GALNT14: variants seen among roughly 807,000 people sequenced by gnomAD.
GALNT14 encodes UDP-GalNAc:polypeptide N-acetylgalactosaminyltransferase 14.
A neutral mutation model predicts 77.5 loss-of-function variants in GALNT14; 60 were observed. That is an observed-to-expected ratio of 0.77 (90% confidence interval 0.63 to 0.96). The LOEUF is 0.96. Among genes scored for constraint, GALNT14 ranks in the 40% least tolerant of loss-of-function variants. GALNT14 has a pLI of 0.00. For missense variants in GALNT14, 710 were observed against 731.0 expected (o/e 0.97, Z 0.33); for synonymous variants, 280 against 281.7 (o/e 0.99, Z 0.06).
chr2:30,961,504 T>G (rs560086744), intron 3 of GALNT14, among the ~76,000 whole-genome samples: 1 of 152,286 alleles, frequency 6.6e-6, no homozygotes, highest in Admixed American at 6.5e-5. Flanking sequence ...TCACCATGCC[T>G]GGCACACAGC....
At chr2:30,897,684 C>T in the GALNT14 span, among the ~76,000 whole-genome samples, 1 of 152,196 alleles carries the variant, frequency 6.6e-6, no homozygotes, top group East Asian at 1.9e-4. Flanking sequence ...CGTAGCTTCT[C>T]CACAGGGCTC....
chr2:31,027,867 A>G (rs1160550342), intron 1 of GALNT14, among the ~76,000 whole-genome samples: 4 of 121,848 alleles, frequency 3.3e-5, no homozygotes, highest in Non-Finnish European at 7.2e-5. Context: ...ATGATACTCT[A>G]AGAGGGCCCA....
Position 31,124,191 on chromosome 2 carries a change from C to T in GALNT14, c.129+13767G>A, listed in dbSNP as rs1051530435. On this transcript the variant is annotated intron_variant, in intron 1 of 14. Coordinates refer to ENST00000349752, the MANE Select transcript of GALNT14 (RefSeq NM_024572.4). ...CTTGACAGGCACTCAAAGGGGGAAA[C>T]CTCCAAGGAGTTCACCCATCTTTCC... 2.6e-5 allele frequency among the ~76,000 whole-genome samples: 4 copies of T among 152,194 alleles called. No homozygotes were observed. The South Asian group carries it at 8.3e-4, about 32-fold the overall frequency.
chr2:31,012,515 T>A (rs1270848139), intron 1 of GALNT14, among the ~76,000 whole-genome samples: 1 of 152,080 alleles, frequency 6.6e-6, no homozygotes, highest in East Asian at 1.9e-4. Flanking sequence ...CCTTCCCACC[T>A]CACTCCACCA....
At chr2:31,093,196 G>A (rs544315633) in intron 1 of GALNT14, among the ~76,000 whole-genome samples, 7 of 152,300 alleles carry the variant, frequency 4.6e-5, no homozygotes, top group Middle Eastern at 3.4e-3. Flanking sequence ...TAGGAAAGAA[G>A]CATAAAGCAG....
At chr2:30,917,050 C>T (rs910778691) in intron 13 of GALNT14, among the ~76,000 whole-genome samples, 1 of 124,608 alleles carries the variant, frequency 8.0e-6, no homozygotes, top group Non-Finnish European at 1.6e-5. Flanking sequence ...GCACTCCAGC[C>T]TGGGCAAAAG....
At chr2:31,075,354 AG>A (rs1394277195) in intron 1 of GALNT14, among the ~76,000 whole-genome samples, 1 of 152,222 alleles carries the variant, frequency 6.6e-6, no homozygotes, top group East Asian at 1.9e-4. Context: ...GAAAAGCAAA[AG>A]CAAACTAGCA....
At position 30,957,295 on chromosome 2, in the gene GALNT14, C is replaced by T. The variant is rs57757357; in HGVS notation, c.466+1102G>A. On this transcript the variant is annotated intron_variant, in intron 4 of 14. Transcript: ENST00000349752. ...GTTTTATAACAAGGAAACTGACATG[C>T]ACCAGGTTGATTATTTGCCCAAGGC... Among the ~76,000 whole-genome samples, 2,033 of 152,232 alleles carry T rather than the reference C, an allele frequency of 0.013. 80 individuals carry two copies. In the East Asian group the frequency reaches 0.16, roughly 12 times the overall value.
chr2:30,958,927 C>T (rs1484240190), intron 3 of GALNT14, among the ~76,000 whole-genome samples: 1 of 152,188 alleles, frequency 6.6e-6, no homozygotes, highest in African/African-American at 2.4e-5. Flanking sequence ...TGACTCTCCT[C>T]GCCAATGCAA....
chr2:31,003,261 T>C, intron 1 of GALNT14, among the ~76,000 whole-genome samples: 1 of 152,206 alleles, frequency 6.6e-6, no homozygotes, highest in East Asian at 1.9e-4. Context: ...AGGCACTCCT[T>C]AAATAGTTTG....
At chr2:31,042,244 T>C (rs1673141759) in intron 1 of GALNT14, among the ~76,000 whole-genome samples, 1 of 152,260 alleles carries the variant, frequency 6.6e-6, no homozygotes, top group South Asian at 2.1e-4. Context: ...AAAATAGGCT[T>C]TACTATTTTT....
At chr2:31,073,494 G>A (rs1176973602) in intron 1 of GALNT14, among the ~76,000 whole-genome samples, 2 of 149,500 alleles carry the variant, frequency 1.3e-5, no homozygotes, top group Admixed American at 6.7e-5. Context: ...GAGGGGGGGG[G>A]AACAGCATTT....
At chr2:31,084,297 C>T (rs527311845) in intron 1 of GALNT14, among the ~76,000 whole-genome samples, 7 of 152,224 alleles carry the variant, frequency 4.6e-5, no homozygotes, top group African/African-American at 1.7e-4. Flanking sequence ...CGTGGTTTAG[C>T]GTGTTGGCTG....
chr2:30,926,317 C>T (rs1665375233), intron 11 of GALNT14, among the ~76,000 whole-genome samples: 1 of 152,256 alleles, frequency 6.6e-6, no homozygotes, highest in Non-Finnish European at 1.5e-5. Context: ...TCAAGGTTGA[C>T]ACCTAGATTT....
At chr2:30,898,858 C>A in the GALNT14 span, among the ~76,000 whole-genome samples, 2 of 152,110 alleles carry the variant, frequency 1.3e-5, no homozygotes, top group African/African-American at 4.8e-5. Context: ...GAAGAGGGAG[C>A]TCATCCTGGA....
chr2:30,927,036 A>G (rs1665428232), intron 11 of GALNT14, among the ~76,000 whole-genome samples: 1 of 152,082 alleles, frequency 6.6e-6, no homozygotes, highest in Non-Finnish European at 1.5e-5. Context: ...GACACTGAAT[A>G]AGTTTAAATG....
At chr2:30,938,169 G>A (rs545627228) in intron 9 of GALNT14, among the ~76,000 whole-genome samples, 3 of 151,574 alleles carry the variant, frequency 2.0e-5, no homozygotes, top group Admixed American at 1.3e-4. Flanking sequence ...CTCTCTTCTC[G>A]GCAGCCTTTT....
At chr2:30,983,859 T>G (rs539618466) in intron 2 of GALNT14, among the ~76,000 whole-genome samples, 1 of 143,690 alleles carries the variant, frequency 7.0e-6, no homozygotes, top group Admixed American at 7.1e-5. Flanking sequence ...TTAGACATAA[T>G]AAGAAGTTTT....
At chr2:31,134,199 C>T (rs117847361) in intron 1 of GALNT14, among the ~76,000 whole-genome samples, 1,632 of 152,310 alleles carry the variant, frequency 0.011, 18 homozygotes, top group South Asian at 0.042. Flanking sequence ...GGGTAGTTCC[C>T]CAGACCAGGA....
Sources: gnomAD v4.1 joint callset for allele counts (sites outside exome capture counted in the v4.1 genomes callset) on GRCh38, gnomAD v4.1.1 for gene constraint, MANE v1.5 for transcripts, NCBI Gene and HGNC (gene_info 2026-07-23, HGNC 2026-07-21) for gene names.